SUN3: variants seen among roughly 807,000 people sequenced by gnomAD.
SUN3 encodes SUN domain-containing protein 3.
Under a neutral mutation model 48.2 loss-of-function variants are expected in SUN3, and 36 were observed. That is an observed-to-expected ratio of 0.75 (90% CI 0.57 to 0.99). The LOEUF (loss-of-function observed/expected upper bound fraction) is 0.99, where lower values mean the gene tolerates loss of function less well. SUN3 is among the 50% of genes least tolerant of loss of function. The pLI, the probability that SUN3 is intolerant of heterozygous loss-of-function variation, is 0.00. For synonymous variants in SUN3, 148 were observed against 147.9 expected, an observed-to-expected ratio of 1.00 and a Z score of 0.00; for missense variants, 419 against 433.1, an observed-to-expected ratio of 0.97 and a Z score of 0.29.
intron 1 of SUN3, among the ~76,000 whole-genome samples, chr7:48,028,517 T>A (rs548515583): frequency 2.0e-5 from 3 of 147,262 alleles, no homozygotes; most frequent in African/African-American, 7.7e-5. Flanking sequence ...AAGTGAATTA[T>A]CTGGAAGCTT....
the SUN3 span, among the ~76,000 whole-genome samples, chr7:48,034,347 C>CT: frequency 2.6e-5 from 4 of 152,182 alleles, no homozygotes; most frequent in Non-Finnish European, 5.9e-5. Context: ...TATTACCTGT[C>CT]TCCTGCTAGA....
At chr7:48,022,549 T>C (rs1400934470) in intron 2 of SUN3, among the ~76,000 whole-genome samples, 1 of 151,976 alleles carries the variant, frequency 6.6e-6, no homozygotes, top group Non-Finnish European at 1.5e-5. Flanking sequence ...ATATACTATG[T>C]ACCCACAAAA....
intron 7 of SUN3, among the ~76,000 whole-genome samples, chr7:47,995,560 G>A (rs1208697508): frequency 6.6e-6 from 1 of 152,192 alleles, no homozygotes; most frequent in Non-Finnish European, 1.5e-5. Context: ...CCTTTAGACT[G>A]TAACTGAAAA....
chr7:47,998,521 G>A (rs1486750906), intron 6 of SUN3, among the ~76,000 whole-genome samples: 3 of 152,030 alleles, frequency 2.0e-5, no homozygotes, highest in Admixed American at 6.5e-5. Flanking sequence ...TTTCATTCTC[G>A]TAACTGTTTT....
chr7:48,024,726 G>T (rs1221367163), intron 2 of SUN3, among the ~76,000 whole-genome samples: 1 of 152,188 alleles, frequency 6.6e-6, no homozygotes, highest in Admixed American at 6.5e-5. Flanking sequence ...GCCAGCATGT[G>T]CAGAGATCAC....
Position 47,998,869 on chromosome 7 carries a change from C to T in SUN3, c.578-2723G>A, listed in dbSNP as rs571495109. Among the ~76,000 whole-genome samples, 32 of 152,234 alleles carry T rather than the reference C, an allele frequency of 2.1e-4. No homozygotes were observed. In the South Asian group the frequency reaches 2.5e-3, roughly 12 times the overall value. ...TTTTTGTATTGTTCCATTGATTTCA[C>T]GAGTACCACATGCTCTTGATTACTG... is the stretch of plus-strand genomic sequence containing the variant. On this transcript the variant is annotated intron_variant, in intron 6 of 9. Coordinates refer to ENST00000297325, the MANE Select transcript of SUN3 (RefSeq NM_001030019.2).
rs185682962 is a variant in SUN3 at position 47,996,202 on chromosome 7, C to T, written c.578-56G>A. ...GAAACAACATACACAATTCAAAACA[C>T]ATCATTTGAATTTTAACAATGTCTC... On this transcript the variant is annotated intron_variant, in intron 6 of 9. Transcript: ENST00000297325. 4.1e-4 allele frequency: 393 copies of T among 966,682 alleles called. 1 individual carries two copies. The African/African-American group carries it at 5.5e-3, about 14-fold the overall frequency. The allele number at this position is 966,682 out of a possible 1,614,324, so 59.9% of individuals were successfully genotyped here.
chr7:47,990,314 T>C (rs1010883781), intron 8 of SUN3, among the ~76,000 whole-genome samples: 25 of 152,290 alleles, frequency 1.6e-4, no homozygotes, highest in African/African-American at 5.8e-4. Context: ...TGTTTATGTA[T>C]ATGCACATCA....
intron 6 of SUN3, among the ~76,000 whole-genome samples, chr7:48,002,271 T>C (rs1424023272): frequency 5.1e-5 from 7 of 136,270 alleles, no homozygotes; most frequent in East Asian, 2.2e-4. Flanking sequence ...GCTATTCTCC[T>C]GCCTCAGCCT....
At chr7:48,004,736 G>A (rs562953336) in intron 6 of SUN3, among the ~76,000 whole-genome samples, 78 of 152,318 alleles carry the variant, frequency 5.1e-4, no homozygotes, top group African/African-American at 1.7e-3. Context: ...TTGCTGCCAC[G>A]TTTGCAGCTC....
intron 2 of SUN3, among the ~76,000 whole-genome samples, chr7:48,020,280 TA>T (rs200299512): frequency 6.6e-6 from 1 of 151,588 alleles, no homozygotes; most frequent in African/African-American, 2.4e-5. Context: ...ATAAAAACCC[TA>T]AAAAAAACTG....
At chr7:47,998,925 G>C (rs913766333) in intron 6 of SUN3, among the ~76,000 whole-genome samples, 2 of 152,138 alleles carry the variant, frequency 1.3e-5, no homozygotes, top group African/African-American at 4.8e-5. Context: ...AAATTAGGTA[G>C]TGTGAGTTCT....
chr7:47,990,979 AG>A (rs1369603910), intron 8 of SUN3: 5 of 454,716 alleles, frequency 1.1e-5, no homozygotes, highest in South Asian at 7.8e-5. Context: ...GGAGAGGAGC[AG>A]AGAAATACCT....
chr7:48,007,491 G>A (rs962910801), intron 4 of SUN3, among the ~76,000 whole-genome samples, 164 bp from the exon 5 acceptor site: 3 of 151,806 alleles, frequency 2.0e-5, no homozygotes, highest in African/African-American at 2.4e-5. Flanking sequence ...AAAGCATCAC[G>A]CTTCACTAAA....
chr7:48,001,264 G>C (rs1789359180), intron 6 of SUN3, among the ~76,000 whole-genome samples: 1 of 152,068 alleles, frequency 6.6e-6, no homozygotes, highest in South Asian at 2.1e-4. Context: ...ATAGGCCCCA[G>C]TGTGTGTTGT....
chr7:48,023,199 G>A (rs1790048289), intron 2 of SUN3, among the ~76,000 whole-genome samples: 1 of 152,008 alleles, frequency 6.6e-6, no homozygotes, highest in African/African-American at 2.4e-5. Context: ...ATAAATCTAT[G>A]TTTATGGGTA....
intron 6 of SUN3, among the ~76,000 whole-genome samples, chr7:48,001,537 T>TG (rs1789374085): frequency 1.4e-5 from 2 of 142,456 alleles, no homozygotes; most frequent in Admixed American, 1.4e-4. Context: ...TTTTGTTTTT[T>TG]TTTTTTTTTT....
At chr7:48,011,562 C>T (rs1448976083) in intron 3 of SUN3, among the ~76,000 whole-genome samples, 1 of 152,132 alleles carries the variant, frequency 6.6e-6, no homozygotes, top group Admixed American at 6.5e-5. Flanking sequence ...GAGCAACTTC[C>T]CTGTCAGTAG....
intron 3 of SUN3, among the ~76,000 whole-genome samples, chr7:48,009,698 A>G (rs1260943970): frequency 6.6e-6 from 1 of 152,106 alleles, no homozygotes; most frequent in East Asian, 1.9e-4. Context: ...AAGACAAGAA[A>G]CCAGGAAAAG....
Sources: gnomAD v4.1 joint callset for allele counts (sites outside exome capture counted in the v4.1 genomes callset) on GRCh38, gnomAD v4.1.1 for gene constraint, MANE v1.5 for transcripts, NCBI Gene and HGNC (gene_info 2026-07-23, HGNC 2026-07-21) for gene names.